CALN1: variants seen among roughly 807,000 people sequenced by gnomAD.
CALN1 encodes calneuron 1.
A neutral mutation model predicts 30.6 loss-of-function variants in CALN1; 17 were observed. The observed-to-expected ratio is 0.56, with a 90% CI of 0.38 to 0.83. The LOEUF (loss-of-function observed/expected upper bound fraction) is 0.83. CALN1 is among the 40% of genes least tolerant of loss of function. CALN1 has a pLI of 0.00. For synonymous variants in CALN1, 156 were observed against 131.4 expected, an observed-to-expected ratio of 1.19 and a Z score of -1.28; for missense variants, 291 against 354.9, an observed-to-expected ratio of 0.82 and a Z score of 1.45.
At chr7:71,954,804 A>C (rs750459905) in intron 5 of CALN1, among the ~76,000 whole-genome samples, 1 of 152,352 alleles carries the variant, frequency 6.6e-6, no homozygotes. Context: ...GGAGAAGAGA[A>C]CTGGCAGCAG....
chr7:71,905,622 C>T lies in CALN1; in HGVS notation c.502-95130G>A, dbSNP rs192906277. On this transcript the variant is annotated intron_variant, in intron 5 of 6. Transcript: ENST00000395275. ...TAGTCCTCTGGAGACCTTGGCAAGACATACGCACTCCATAGAGTGGGAGAT... is the reference window on the plus strand; with the variant it reads ...TAGTCCTCTGGAGACCTTGGCAAGATATACGCACTCCATAGAGTGGGAGAT... Among the ~76,000 whole-genome samples, 10 of 152,152 alleles carry T rather than the reference C, an allele frequency of 6.6e-5. No homozygotes were observed. In the East Asian group the frequency reaches 1.5e-3, roughly 24 times the overall value.
chr7:72,276,493 G>A (rs1301310014), intron 3 of CALN1, among the ~76,000 whole-genome samples: 1 of 152,172 alleles, frequency 6.6e-6, no homozygotes, highest in Non-Finnish European at 1.5e-5. Flanking sequence ...ATTAGTGCCT[G>A]CTATGGTTTG....
At chr7:71,872,620 CT>C (rs530642979) in intron 5 of CALN1, among the ~76,000 whole-genome samples, 88 of 141,830 alleles carry the variant, frequency 6.2e-4, no homozygotes, top group South Asian at 3.3e-3. Context: ...TTCTTTTTTT[CT>C]TTTTTTTTTT....
At chr7:72,269,645 G>A (rs1410704738) in intron 3 of CALN1, among the ~76,000 whole-genome samples, 12 of 152,154 alleles carry the variant, frequency 7.9e-5, no homozygotes, top group Non-Finnish European at 1.3e-4. Flanking sequence ...CCAACAGAGC[G>A]TAAAAACGAA....
At chr7:71,971,321 A>T (rs1465451975) in intron 5 of CALN1, among the ~76,000 whole-genome samples, 1 of 152,048 alleles carries the variant, frequency 6.6e-6, no homozygotes, top group African/African-American at 2.4e-5. Context: ...ATGGTGGCAG[A>T]TGCCTGTAAT....
intron 3 of CALN1, among the ~76,000 whole-genome samples, chr7:72,151,276 A>C (rs1787223303): frequency 6.6e-6 from 1 of 152,072 alleles, no homozygotes; most frequent in Non-Finnish European, 1.5e-5. Flanking sequence ...GTCTGCTGGC[A>C]ATCTTTAGCG....
intron 6 of CALN1, among the ~76,000 whole-genome samples, chr7:71,795,266 C>T (rs994665646): frequency 1.9e-4 from 29 of 152,166 alleles, no homozygotes; most frequent in African/African-American, 2.4e-4. Flanking sequence ...GTGATCCATC[C>T]GCCTCGGCCT....
chr7:72,278,991 A>C (rs1277427526), intron 2 of CALN1, among the ~76,000 whole-genome samples, 181 bp from the exon 3 acceptor site: 1 of 152,160 alleles, frequency 6.6e-6, no homozygotes, highest in East Asian at 1.9e-4. Context: ...TTTCCAAAGG[A>C]ATTCAGGTTT....
In CALN1 at chr7:71,882,691, C is replaced by A. The variant is rs115389285; in HGVS notation, c.502-72199G>T. Among the ~76,000 whole-genome samples, 6 of 151,084 alleles carry A rather than the reference C, an allele frequency of 4.0e-5. No individual in the cohort carries two copies. In the East Asian group the frequency reaches 5.8e-4, roughly 15 times the overall value. Reference sequence around the variant, plus strand: ...CCCTTGTCCTACTTAAAAAAAAAAACAACTTTTTAAGAGATGGGGTCTTGC... The same window carrying A: ...CCCTTGTCCTACTTAAAAAAAAAAAAAACTTTTTAAGAGATGGGGTCTTGC... On this transcript the variant is annotated intron_variant, in intron 5 of 6. Transcript: ENST00000395275.
At chr7:72,246,403 GT>G (rs1159954042) in intron 3 of CALN1, among the ~76,000 whole-genome samples, 1 of 152,124 alleles carries the variant, frequency 6.6e-6, no homozygotes, top group Non-Finnish European at 1.5e-5. Flanking sequence ...GGGACACACG[GT>G]GGCTTGGTGA....
At chr7:71,881,056 T>C (rs1792533509) in intron 5 of CALN1, among the ~76,000 whole-genome samples, 1 of 152,206 alleles carries the variant, frequency 6.6e-6, no homozygotes, top group African/African-American at 2.4e-5. Context: ...CAGAAGGACA[T>C]GGAAGGACTT....
At chr7:71,988,341 G>A (rs1183240910) in intron 5 of CALN1, among the ~76,000 whole-genome samples, 1 of 152,144 alleles carries the variant, frequency 6.6e-6, no homozygotes, top group African/African-American at 2.4e-5. Flanking sequence ...CAGCATCTAT[G>A]AGCCTAACCA....
At chr7:72,144,924 G>A (rs920019979) in intron 3 of CALN1, among the ~76,000 whole-genome samples, 5 of 146,358 alleles carry the variant, frequency 3.4e-5, no homozygotes, top group Non-Finnish European at 7.6e-5. Flanking sequence ...TGAAACCAAC[G>A]AGAACAAAGA....
intron 3 of CALN1, among the ~76,000 whole-genome samples, chr7:72,272,877 T>TC (rs1050012263): frequency 2.4e-4 from 37 of 152,114 alleles, no homozygotes; most frequent in African/African-American, 8.9e-4. Flanking sequence ...GGTTGGTATG[T>TC]CCCATCCTGG....
intron 3 of CALN1, among the ~76,000 whole-genome samples, chr7:72,183,943 A>G (rs1789997786): frequency 6.6e-6 from 1 of 152,086 alleles, no homozygotes; most frequent in African/African-American, 2.4e-5. Context: ...CATGGATCCA[A>G]AGCAGGAGTA....
intron 5 of CALN1, among the ~76,000 whole-genome samples, chr7:71,897,938 T>C (rs1324461011): frequency 8.6e-6 from 1 of 116,584 alleles, no homozygotes; most frequent in Admixed American, 1.2e-4. Context: ...GTTGTCAATC[T>C]AGCCAAGGAG....
intron 4 of CALN1, among the ~76,000 whole-genome samples, chr7:72,058,717 T>C (rs975571734): frequency 1.3e-5 from 2 of 152,116 alleles, no homozygotes; most frequent in African/African-American, 4.8e-5. Context: ...AGCTCTGAAC[T>C]GAAATAGTGG....
intron 2 of CALN1, among the ~76,000 whole-genome samples, chr7:72,310,800 G>A (rs1360377636): frequency 6.6e-6 from 1 of 151,466 alleles, no homozygotes; most frequent in Non-Finnish European, 1.5e-5. Context: ...CAACTCAGGA[G>A]GCTGAGGCAG....
At chr7:72,095,166 G>A (rs767750469) in intron 4 of CALN1, among the ~76,000 whole-genome samples, 9 of 152,022 alleles carry the variant, frequency 5.9e-5, no homozygotes, top group Non-Finnish European at 8.8e-5. Context: ...TAGAAACCTC[G>A]GTACTTCATT....
Sources: gnomAD v4.1 joint callset for allele counts (sites outside exome capture counted in the v4.1 genomes callset) on GRCh38, gnomAD v4.1.1 for gene constraint, MANE v1.5 for transcripts, NCBI Gene and HGNC (gene_info 2026-07-23, HGNC 2026-07-21) for gene names.